Variants in CTNNBL1 observed in about 807,000 individuals in gnomAD.
The protein encoded by CTNNBL1 is catenin beta like 1, also known as beta-catenin-like protein 1.
In CTNNBL1, 31 loss-of-function variants were observed where a neutral mutation model predicts 72.7. The observed-to-expected ratio is 0.43, with a 90% CI of 0.32 to 0.58. The LOEUF (loss-of-function observed/expected upper bound fraction) is 0.58, where lower values mean the gene tolerates loss of function less well. CTNNBL1 is among the 20% of genes least tolerant of loss of function. The pLI, the probability that CTNNBL1 is intolerant of heterozygous loss-of-function variation, is 0.08. For synonymous variants in CTNNBL1, 240 were observed against 267.3 expected, an observed-to-expected ratio of 0.90 and a Z score of 1.00; for missense variants, 534 against 725.1, an observed-to-expected ratio of 0.74 and a Z score of 3.03.
At chr20:37,851,000 A>C (rs1022515852) in intron 13 of CTNNBL1, among the ~76,000 whole-genome samples, 7 of 152,218 alleles carry the variant, frequency 4.6e-5, no homozygotes. Context: ...GCTGAAAGAG[A>C]TGGAGGCATG....
At position 37,749,654 on chromosome 20, in the gene CTNNBL1, T is replaced by A. The variant is rs535190147; in HGVS notation, c.466+3047T>A. 2.0e-3 allele frequency among the ~76,000 whole-genome samples: 298 copies of A among 152,350 alleles called. 1 individual carries two copies. The highest frequency in any genetic ancestry group is 6.6e-3 in the African/African-American group (274 of 41,594). On this transcript the variant is annotated intron_variant, in intron 4 of 15. Coordinates refer to ENST00000361383, the MANE Select transcript of CTNNBL1 (RefSeq NM_030877.5). Reference sequence around the variant, plus strand: ...AATTTAAAGTGCATTTGAAATTTTTTAAATTACCTTAATTTTAATTAGAGG... The same window carrying A: ...AATTTAAAGTGCATTTGAAATTTTTAAAATTACCTTAATTTTAATTAGAGG...
At chr20:37,860,072 C>T in intron 14 of CTNNBL1, 36 bp downstream of exon 14, 1 of 1,606,152 alleles carries the variant, frequency 6.2e-7, no homozygotes, top group Non-Finnish European at 8.5e-7. Context: ...CTTATCCATC[C>T]CTGCCTCCTT....
At chr20:37,855,644 A>G (rs1012195802) in intron 13 of CTNNBL1, among the ~76,000 whole-genome samples, 2 of 150,936 alleles carry the variant, frequency 1.3e-5, no homozygotes, top group Admixed American at 1.3e-4. Flanking sequence ...CCAGCTATGC[A>G]CTCTACCTGC....
intron 1 of CTNNBL1, among the ~76,000 whole-genome samples, chr20:37,713,308 T>C (rs928328249): frequency 9.9e-5 from 15 of 152,148 alleles, no homozygotes; most frequent in Admixed American, 7.9e-4. Flanking sequence ...AATTAGAAGA[T>C]TAAACATTTT....
chr20:37,834,404 C>T (rs1050518921), intron 11 of CTNNBL1, among the ~76,000 whole-genome samples: 6 of 152,194 alleles, frequency 3.9e-5, no homozygotes, highest in Non-Finnish European at 7.3e-5. Flanking sequence ...GTGGAAATTG[C>T]TTCCGCAAAG....
At position 37,761,463 on chromosome 20, in the gene CTNNBL1, G is replaced by A. The variant is rs2073416979; in HGVS notation, c.565-3734G>A. On this transcript the variant is annotated intron_variant, in intron 5 of 15. Coordinates refer to ENST00000361383, the MANE Select transcript of CTNNBL1 (RefSeq NM_030877.5). The stretch of plus-strand genomic sequence containing the variant: ...TGGCCAGGTTTATGTTGCTGTAAGG[G>A]TACTTACTATGAAAATTCCTGGATT... Among the ~76,000 whole-genome samples the A allele has an allele frequency of 1.3e-5, 2 of 152,172 alleles. 1 individual carries two copies. Among genetic ancestry groups the A allele is most frequent in the South Asian group, 4.1e-4 (2 of 4,830 alleles).
intron 15 of CTNNBL1, among the ~76,000 whole-genome samples, chr20:37,862,356 C>A (rs551911264): frequency 6.6e-6 from 1 of 152,320 alleles, no homozygotes; most frequent in African/African-American, 2.4e-5. Context: ...CTTCTCCCTG[C>A]ACCTCCATCC....
intron 1 of CTNNBL1, among the ~76,000 whole-genome samples, chr20:37,716,538 T>C (rs531166261): frequency 2.0e-5 from 3 of 152,358 alleles, no homozygotes; most frequent in Non-Finnish European, 4.4e-5. Flanking sequence ...TTGCTAGCTT[T>C]AGTGGTTTGT....
At chr20:37,804,995 A>G (rs1210719980) in intron 11 of CTNNBL1, among the ~76,000 whole-genome samples, 1 of 152,194 alleles carries the variant, frequency 6.6e-6, no homozygotes, top group African/African-American at 2.4e-5. Flanking sequence ...GTACCCAGAG[A>G]GCAGAAGTGA....
At chr20:37,756,444 C>T (rs2073364269) in intron 4 of CTNNBL1, 1 of 149,110 alleles carries the variant, frequency 6.7e-6, no homozygotes, top group South Asian at 2.1e-4. Context: ...GTGTGTGCAC[C>T]CGTGTGTGTA....
chr20:37,763,832 G>A (rs2073440201), intron 5 of CTNNBL1, among the ~76,000 whole-genome samples: 3 of 152,186 alleles, frequency 2.0e-5, no homozygotes, highest in Non-Finnish European at 2.9e-5. Flanking sequence ...TTTCTCACCT[G>A]TGAAAGATGT....
At chr20:37,754,238 G>A (rs1286323848) in intron 4 of CTNNBL1, among the ~76,000 whole-genome samples, 1 of 150,458 alleles carries the variant, frequency 6.6e-6, no homozygotes, top group Admixed American at 6.6e-5. Flanking sequence ...TGCTGATTTA[G>A]ATCCTTGTTC....
intron 1 of CTNNBL1, among the ~76,000 whole-genome samples, chr20:37,710,017 C>T (rs937455686): frequency 2.0e-5 from 3 of 152,186 alleles, no homozygotes; most frequent in East Asian, 1.9e-4. Flanking sequence ...GTGACAAAAT[C>T]GGGGTCAGGC....
At chr20:37,791,548 A>AG (rs755584965) in intron 10 of CTNNBL1, among the ~76,000 whole-genome samples, 3 of 151,944 alleles carry the variant, frequency 2.0e-5, no homozygotes, top group Admixed American at 6.6e-5. Context: ...TTTGGGGGTA[A>AG]GGGGTTATTT....
chr20:37,814,111 A>C (rs1221806336), intron 11 of CTNNBL1, among the ~76,000 whole-genome samples: 1 of 152,220 alleles, frequency 6.6e-6, no homozygotes, highest in Non-Finnish European at 1.5e-5. Flanking sequence ...TCACACAGCT[A>C]GTACCTGGCC....
chr20:37,754,497 T>C (rs1449492543), intron 4 of CTNNBL1, among the ~76,000 whole-genome samples: 2 of 152,164 alleles, frequency 1.3e-5, no homozygotes, highest in Non-Finnish European at 2.9e-5. Flanking sequence ...TTGCTATGCA[T>C]ATTAAATAAG....
Position 37,860,361 on chromosome 20 carries a change from T to C in CTNNBL1, c.1603+17T>C. On this transcript the variant is annotated intron_variant, in intron 15 of 15. Coordinates refer to ENST00000361383, the MANE Select transcript of CTNNBL1 (RefSeq NM_030877.5). The stretch of plus-strand genomic sequence containing the variant: ...TCATCAAGGGTGAGTTGGATGCTAC[T>C]CATGTCTGGGGCTCCAGAGGATTAG... 1 of 1,587,666 alleles carries C rather than the reference T, an allele frequency of 6.3e-7. No homozygotes were observed. Among genetic ancestry groups the C allele is most frequent in the East Asian group, 2.2e-5 (1 of 44,778 alleles).
At position 37,802,894 on chromosome 20, in the gene CTNNBL1, C is replaced by A; in HGVS notation, c.1059C>A (p.Ala353=). 1 of 1,613,600 alleles carries A rather than the reference C, an allele frequency of 6.2e-7. No individual in the cohort carries two copies. Among genetic ancestry groups the A allele is most frequent in the Non-Finnish European group, 8.5e-7 (1 of 1,179,732 alleles). The change falls in exon 11 of 16, where the codon GCC becomes GCA. Residue 353 remains alanine (A), a synonymous_variant. Coordinates refer to ENST00000361383, the MANE Select transcript of CTNNBL1 (RefSeq NM_030877.5). ...AAAAGAAGATCTCCCGGAGCAGTGC[C>A]CTGAAAGTGCTGGACCATGCCATGA... The part of the protein sequence containing the change: ...LREKKISRSS[A]LKVLDHAMIG...
At position 37,842,231 on chromosome 20, in the gene CTNNBL1, G is replaced by A. The variant is rs574154292; in HGVS notation, c.1312-108G>A. 138 of 755,648 alleles carry A rather than the reference G, an allele frequency of 1.8e-4. 2 individuals are homozygous for A. In the East Asian group the frequency reaches 3.3e-3, roughly 18 times the overall value. The allele number at this position is 755,648 out of a possible 1,614,324, so 46.8% of individuals were successfully genotyped here. On this transcript the variant is annotated intron_variant, in intron 12 of 15. Transcript: ENST00000361383. ...CATCCGCTGTAAGGAGTGCCAGAGC[G>A]GGTCTCCCTTTGTAAGGGAGCGACA...
Sources: allele counts gnomAD v4.1 joint callset (sites outside exome capture counted in the v4.1 genomes callset), GRCh38; gene constraint gnomAD v4.1.1; transcripts MANE v1.5; gene names NCBI Gene and HGNC (gene_info 2026-07-23, HGNC 2026-07-21).